The following CROT variants were observed in gnomAD, a reference collection of about 807,000 sequenced individuals.
The protein encoded by CROT is carnitine O-octanoyltransferase.
A neutral mutation model predicts 89.2 loss-of-function variants in CROT; 84 were observed. The ratio of observed to expected loss-of-function variants is 0.94; its 90% CI spans 0.79 to 1.13. The LOEUF (loss-of-function observed/expected upper bound fraction) is 1.13. CROT is among the 50% of genes most tolerant of loss of function. CROT has a pLI of 0.00. For missense variants in CROT, 711 were observed against 727.8 expected, an observed-to-expected ratio of 0.98 and a Z score of 0.27; for synonymous variants, 212 against 239.5, an observed-to-expected ratio of 0.89 and a Z score of 1.06.
rs75450691 is a variant in CROT at position 87,350,935 on chromosome 7, T to A, written c.115+1752T>A. Among the ~76,000 whole-genome samples the A allele has an allele frequency of 1.1e-3, 169 of 152,240 alleles. 3 individuals are homozygous for A. The East Asian group carries it at 0.031, about 28-fold the overall frequency. The stretch of plus-strand genomic sequence containing the variant: ...TGATGTTATTTAGTTATCTACAGAA[T>A]AATTGAAAAAGGTGTTTTTTTTGTT... On this transcript the variant is annotated intron_variant, in intron 3 of 17. Coordinates refer to ENST00000331536, the MANE Select transcript of CROT (RefSeq NM_021151.4).
At position 87,378,293 on chromosome 7, in the gene CROT, C is replaced by T. The variant is rs184200560; in HGVS notation, c.978+843C>T. On this transcript the variant is annotated intron_variant, in intron 10 of 17. Transcript: ENST00000331536. ...CCTGGGAGGTTGAGGGTGCAGTGAACAGTGTTTGGGCCAGTGCACTTCAGC... is the reference window on the plus strand; with the variant it reads ...CCTGGGAGGTTGAGGGTGCAGTGAATAGTGTTTGGGCCAGTGCACTTCAGC... Among the ~76,000 whole-genome samples, 68 of 140,350 alleles carry T rather than the reference C, an allele frequency of 4.8e-4. 1 individual carries two copies. Among genetic ancestry groups the T allele is most frequent in the East Asian group, 2.3e-3 (11 of 4,766 alleles). 92.1% of individuals were successfully genotyped at this position (140,350 alleles called of 152,430 possible).
chr7:87,361,400 G>C lies in CROT; in HGVS notation c.251G>C (p.Trp84Ser). 6.2e-7 allele frequency: 1 copy of C among 1,613,034 alleles called. No homozygotes were observed. Among genetic ancestry groups the C allele is most frequent in the Non-Finnish European group, 8.5e-7 (1 of 1,179,732 alleles). Residue 84 changes from tryptophan (W) to serine (S), a missense_variant, in exon 5 of 18, where the codon TGG (tryptophan) becomes TCG (serine). Trp to Ser is a radical substitution (Grantham distance 177). Transcript: ENST00000331536. ...CTCAATTTCTTTTAGCTGGAAGAGT[G>C]GTGGCTGAATGTTGCCTATCTGGAT... ...AKGKRNWLEE[W>S]WLNVAYLDVR... is the part of the protein sequence containing the mutation.
At chr7:87,379,764 C>T (rs1806932268) in intron 10 of CROT, among the ~76,000 whole-genome samples, 1 of 152,134 alleles carries the variant, frequency 6.6e-6, no homozygotes. Flanking sequence ...TCCCTTCTAA[C>T]CTAAGATGAT....
chr7:87,359,995 G>A (rs1055407), intron 4 of CROT: 2 of 981,346 alleles, frequency 2.0e-6, no homozygotes, highest in African/African-American at 1.8e-5. Context: ...AAAGCAAGCT[G>A]ATTTTTTTTG....
At chr7:87,384,593 GTTTT>G (rs1224568464) in intron 13 of CROT, among the ~76,000 whole-genome samples, 1 of 152,176 alleles carries the variant, frequency 6.6e-6, no homozygotes, top group African/African-American at 2.4e-5. Context: ...TTGCTATTGA[GTTTT>G]TTAAGTTCCT....
chr7:87,376,902 CTGAGT>C (rs1806828276), intron 9 of CROT, among the ~76,000 whole-genome samples: 1 of 152,016 alleles, frequency 6.6e-6, no homozygotes, highest in Non-Finnish European at 1.5e-5. Flanking sequence ...TTATGATGCA[CTGAGT>C]TAATTTCATG....
intron 3 of CROT, chr7:87,354,533 T>G (rs1037732129): frequency 2.5e-6 from 1 of 400,188 alleles, no homozygotes; most frequent in African/African-American, 2.1e-5. Flanking sequence ...AGAATCAAGT[T>G]ATACTAGAGG....
At chr7:87,348,108 AAT>A (rs1326639464) in intron 2 of CROT, among the ~76,000 whole-genome samples, 2 of 152,216 alleles carry the variant, frequency 1.3e-5, no homozygotes, top group Non-Finnish European at 2.9e-5. Context: ...AGTTTTAAAA[AAT>A]AGTTTTTGAG....
rs747216846 is a variant in CROT, at chr7:87,361,521, A to C, written c.372A>C (p.Arg124Ser). Residue 124 changes from arginine to serine, a missense_variant, in exon 5 of 18, where the codon AGA becomes AGC. By Grantham distance (110) the Arg-to-Ser change is moderately radical (BLOSUM62 -1). Transcript: ENST00000331536. ...CAAAGGAAGGGACTCAATTAGAAAG[A>C]GGAAGTATAACTCTTTGGCATAACT... ...WPPKEGTQLE[R>S]GSITLWHNLN... 8 of 1,611,538 alleles carry C rather than the reference A, an allele frequency of 5.0e-6. No homozygotes were observed. In the Admixed American group the frequency reaches 1.4e-4, roughly 27 times the overall value.
At chr7:87,359,351 A>G in intron 4 of CROT, 21 bp downstream of exon 4, 1 of 1,579,340 alleles carries the variant, frequency 6.3e-7, no homozygotes, top group South Asian at 1.2e-5. Context: ...TTATAATTGA[A>G]TAATGATGAT....
intron 3 of CROT, among the ~76,000 whole-genome samples, chr7:87,358,887 T>C (rs78098927): frequency 1.3e-5 from 2 of 152,170 alleles, no homozygotes; most frequent in East Asian, 3.9e-4. Context: ...TTTTTTTCTC[T>C]CTTTATGTTA....
chr7:87,388,954 T>C (rs184908865), intron 13 of CROT, among the ~76,000 whole-genome samples: 111 of 152,196 alleles, frequency 7.3e-4, no homozygotes, highest in African/African-American at 2.6e-3. Flanking sequence ...CATCAAAAAG[T>C]GGGCAAAAGA....
Position 87,345,667 on chromosome 7 carries a change from C to G in CROT, c.-213C>G. 1 of 388,044 alleles carries G rather than the reference C, an allele frequency of 2.6e-6. No homozygotes were observed. 24.0% of individuals were successfully genotyped at this position (388,044 alleles called of 1,614,324 possible). On this transcript the variant is annotated 5_prime_UTR_variant, in exon 1 of 18. Transcript: ENST00000331536. ...GGGCGGGACCCTAGCGGCCTTCAGT[C>G]CAATTCCCGCACCTTTGAGGCCCAA...
At chr7:87,372,688 G>A (rs1806682353) in intron 7 of CROT, among the ~76,000 whole-genome samples, 1 of 151,904 alleles carries the variant, frequency 6.6e-6, no homozygotes, top group African/African-American at 2.4e-5. Flanking sequence ...TATTAATATA[G>A]GAATGGCATC....
At chr7:87,348,724 A>T (rs1308100526) in intron 2 of CROT, among the ~76,000 whole-genome samples, 1 of 152,256 alleles carries the variant, frequency 6.6e-6, no homozygotes, top group African/African-American at 2.4e-5. Context: ...GCCACCTTTC[A>T]GAGATAACAT....
chr7:87,349,164 A>G lies in CROT; in HGVS notation c.96A>G (p.Leu32=), dbSNP rs761000290. The G allele has an allele frequency of 6.4e-6, 10 of 1,569,210 alleles. No homozygotes were observed. Among genetic ancestry groups the G allele is most frequent in the Non-Finnish European group, 8.7e-6 (10 of 1,145,494 alleles). The change falls in exon 3 of 18, where the codon TTA becomes TTG. Residue 32 remains leucine (L), a synonymous_variant. Coordinates refer to ENST00000331536, the MANE Select transcript of CROT (RefSeq NM_021151.4). Reference sequence around the variant, plus strand: ...CTGTTCCTTCACTTGAAGAATCATTAAAAAAATACCTTGAATCAGGTATGT... The same window carrying G: ...CTGTTCCTTCACTTGAAGAATCATTGAAAAAATACCTTGAATCAGGTATGT... ...SLPVPSLEES[L]KKYLESVKPF... is the part of the protein sequence containing the mutation.
chr7:87,382,289 A>G (rs1409444373), intron 12 of CROT, 108 bp downstream of exon 12: 4 of 1,409,578 alleles, frequency 2.8e-6, no homozygotes, highest in Non-Finnish European at 3.9e-6. Flanking sequence ...TTTTAAAATT[A>G]TGCCTTTAAC....
intron 10 of CROT, among the ~76,000 whole-genome samples, chr7:87,381,086 C>T (rs1221972525): frequency 6.6e-6 from 1 of 152,122 alleles, no homozygotes; most frequent in East Asian, 1.9e-4. Flanking sequence ...ATTTAAGACA[C>T]CTAATTACTC....
chr7:87,368,295 T>C lies in CROT; in HGVS notation c.548-1081T>C, dbSNP rs148973293. 1.4e-3 allele frequency among the ~76,000 whole-genome samples: 212 copies of C among 152,316 alleles called. 4 individuals are homozygous for C. The highest frequency in any genetic ancestry group is 4.8e-3 in the African/African-American group (198 of 41,570). On this transcript the variant is annotated intron_variant, in intron 6 of 17. Coordinates refer to ENST00000331536, the MANE Select transcript of CROT (RefSeq NM_021151.4). ...CTGCCACCCTCACCCTTTCCAACCA[T>C]TTATTGATTAATTTGGCATCAGGTT...
Sources: allele counts gnomAD v4.1 joint callset (sites outside exome capture counted in the v4.1 genomes callset), GRCh38; gene constraint gnomAD v4.1.1; transcripts MANE v1.5; gene names NCBI Gene and HGNC (gene_info 2026-07-23, HGNC 2026-07-21).